STK33: variants seen among roughly 807,000 people sequenced by gnomAD.
The protein encoded by STK33 is serine/threonine kinase 33, also known as serine/threonine-protein kinase 33.
STK33 carries 52 observed loss-of-function variants against 58.0 expected under a neutral mutation model. That is an observed-to-expected ratio of 0.90 (90% CI 0.72 to 1.13). The LOEUF (loss-of-function observed/expected upper bound fraction) is 1.13, where lower values mean the gene tolerates loss of function less well. Among genes scored for constraint, STK33 ranks in the 50% most tolerant of loss-of-function variants. The pLI is 0.00. For missense variants in STK33, 630 were observed against 604.2 expected, an observed-to-expected ratio of 1.04 and a Z score of -0.45; for synonymous variants, 215 against 200.1, an observed-to-expected ratio of 1.07 and a Z score of -0.63.
chr11:8,453,798 C>A (rs964525047), intron 10 of STK33, among the ~76,000 whole-genome samples: 5 of 152,192 alleles, frequency 3.3e-5, no homozygotes, highest in African/African-American at 1.2e-4. Context: ...CATGTGATAT[C>A]ACCATTTTTC....
chr11:8,534,653 G>A (rs1387216991), intron 1 of STK33, among the ~76,000 whole-genome samples: 2 of 147,424 alleles, frequency 1.4e-5, no homozygotes, highest in African/African-American at 5.0e-5. Flanking sequence ...GGAACTCATT[G>A]TTCTAAGGCA....
intron 1 of STK33, among the ~76,000 whole-genome samples, chr11:8,536,960 A>C: frequency 7.3e-6 from 1 of 137,236 alleles, no homozygotes; most frequent in Non-Finnish European, 1.5e-5. Context: ...TAAAAAAAAA[A>C]AAAAAAAAAA....
intron 15 of STK33, among the ~76,000 whole-genome samples, chr11:8,404,462 C>G (rs181976663): frequency 5.9e-5 from 9 of 152,280 alleles, no homozygotes; most frequent in Non-Finnish European, 1.3e-4. Context: ...CACAACTATT[C>G]TGATTTTTTC....
intron 1 of STK33, among the ~76,000 whole-genome samples, chr11:8,560,185 T>C (rs1957027050): frequency 6.6e-6 from 1 of 152,174 alleles, no homozygotes; most frequent in Non-Finnish European, 1.5e-5. Context: ...GATAAATGTG[T>C]GAGCATTTAT....
chr11:8,392,789 T>C (rs1848755717), intron 15 of STK33, 79 bp from the exon 16 acceptor site: 1 of 1,479,286 alleles, frequency 6.8e-7, no homozygotes, highest in African/African-American at 1.4e-5. Context: ...ACTACAAAGT[T>C]GTCCAGGATT....
At chr11:8,506,146 AC>A in intron 1 of STK33, among the ~76,000 whole-genome samples, 1 of 152,130 alleles carries the variant, frequency 6.6e-6, no homozygotes, top group Non-Finnish European at 1.5e-5. Flanking sequence ...CGTAAATTCA[AC>A]TCTTGTCCTA....
intron 11 of STK33, among the ~76,000 whole-genome samples, chr11:8,448,167 C>T (rs373461762): frequency 8.2e-4 from 125 of 152,186 alleles, no homozygotes; most frequent in East Asian, 6.2e-3. Context: ...TCCATGCTCA[C>T]GGGTAGGAAG....
chr11:8,484,781 G>GT (rs1436615705), intron 1 of STK33, among the ~76,000 whole-genome samples: 5 of 152,162 alleles, frequency 3.3e-5, no homozygotes, highest in African/African-American at 1.2e-4. Flanking sequence ...TATTTGGTGA[G>GT]TTTTTGAAAC....
chr11:8,351,236 C>T, the STK33 span, among the ~76,000 whole-genome samples: 5 of 152,212 alleles, frequency 3.3e-5, no homozygotes, highest in Admixed American at 3.3e-4. Flanking sequence ...TGACCCCTGA[C>T]CTGAATCTGG....
intron 1 of STK33, among the ~76,000 whole-genome samples, chr11:8,543,613 G>A (rs918828806): frequency 1.4e-4 from 21 of 152,132 alleles, no homozygotes; most frequent in East Asian, 3.8e-4. Flanking sequence ...GTTGTTGGTG[G>A]TAGGGGGAAG....
At chr11:8,413,915 CAG>C (rs1940715569) in intron 14 of STK33, among the ~76,000 whole-genome samples, 1 of 152,122 alleles carries the variant, frequency 6.6e-6, no homozygotes, top group East Asian at 1.9e-4. Flanking sequence ...TCCAAGTTAA[CAG>C]GGGAAATATT....
At chr11:8,345,849 T>C in the STK33 span, among the ~76,000 whole-genome samples, 1 of 152,218 alleles carries the variant, frequency 6.6e-6, no homozygotes, top group African/African-American at 2.4e-5. Flanking sequence ...GAGACCGCTC[T>C]TAAGAAAGCA....
intron 15 of STK33, among the ~76,000 whole-genome samples, chr11:8,409,552 T>A (rs928293739): frequency 5.9e-5 from 9 of 152,128 alleles, no homozygotes; most frequent in Non-Finnish European, 1.3e-4. Flanking sequence ...AAAGGAATAA[T>A]TAATTGGAAA....
chr11:8,396,781 A>G (rs927625555), intron 15 of STK33, among the ~76,000 whole-genome samples: 2 of 152,212 alleles, frequency 1.3e-5, no homozygotes, highest in Admixed American at 1.3e-4. Flanking sequence ...GTGCTTTTCC[A>G]ATGGTCTTAG....
At chr11:8,504,193 C>T (rs1343817800) in intron 1 of STK33, among the ~76,000 whole-genome samples, 1 of 152,166 alleles carries the variant, frequency 6.6e-6, no homozygotes, top group South Asian at 2.1e-4. Context: ...AGCTGAAAAA[C>T]AGGATTCAGA....
intron 2 of STK33, among the ~76,000 whole-genome samples, chr11:8,479,640 C>T (rs190467998): frequency 1.3e-4 from 20 of 151,944 alleles, no homozygotes; most frequent in African/African-American, 4.3e-4. Flanking sequence ...GTCAGGAGTT[C>T]GAGATCAGCC....
At chr11:8,373,769 G>T in the STK33 span, among the ~76,000 whole-genome samples, 2 of 152,166 alleles carry the variant, frequency 1.3e-5, no homozygotes, top group South Asian at 4.1e-4. Context: ...GAAGAACACG[G>T]CTGAGTGTGA....
intron 1 of STK33, among the ~76,000 whole-genome samples, chr11:8,531,011 G>A (rs1327717343): frequency 6.6e-6 from 1 of 152,082 alleles, no homozygotes; most frequent in Non-Finnish European, 1.5e-5. Context: ...TTTTTATGAG[G>A]CAAGAAAGAT....
At chr11:8,445,124 G>C (rs1203235606) in intron 11 of STK33, among the ~76,000 whole-genome samples, 2 of 152,106 alleles carry the variant, frequency 1.3e-5, no homozygotes, top group Non-Finnish European at 2.9e-5. Flanking sequence ...TGCATTCCTA[G>C]GTATTTTATT....
Sources: gnomAD v4.1 joint callset for allele counts (sites outside exome capture counted in the v4.1 genomes callset) on GRCh38, gnomAD v4.1.1 for gene constraint, MANE v1.5 for transcripts, NCBI Gene and HGNC (gene_info 2026-07-23, HGNC 2026-07-21) for gene names.